The following SMYD3 variants were observed in gnomAD, a reference collection of about 807,000 sequenced individuals.
SMYD3 encodes histone-lysine N-methyltransferase SMYD3.
Under a neutral mutation model 57.7 loss-of-function variants are expected in SMYD3, and 36 were observed. The observed-to-expected ratio is 0.62, with a 90% CI of 0.48 to 0.82. The LOEUF (loss-of-function observed/expected upper bound fraction) is 0.82, where lower values mean the gene tolerates loss of function less well. Ranked by LOEUF, SMYD3 falls within the 40% of genes least tolerant of loss-of-function variation. The probability of loss-of-function intolerance (pLI) is 0.00; values close to 1 mark genes in which losing one functional copy is unlikely to be tolerated. For missense variants in SMYD3, 515 were observed against 538.8 expected (o/e 0.96, Z 0.44); for synonymous variants, 211 against 195.0 (o/e 1.08, Z -0.68).
Position 246,378,785 on chromosome 1 carries a change from T to A in SMYD3, c.165-23691A>T, listed in dbSNP as rs186403551. 3.5e-4 allele frequency among the ~76,000 whole-genome samples: 39 copies of A among 111,632 alleles called. 2 individuals are homozygous for A. The highest frequency in any genetic ancestry group is 1.4e-3 in the African/African-American group (38 of 27,358). The allele number at this position is 111,632 out of a possible 152,430, so 73.2% of individuals were successfully genotyped here. A position where few individuals can be genotyped will look rare whatever the true frequency, so the allele number is the denominator to read the frequency against. On this transcript the variant is annotated intron_variant, in intron 1 of 11. Transcript: ENST00000490107. ...ATATATTATATATAATTTAATATAT[T>A]TAATATATTATTTTTATATATTATA...
Position 246,309,981 on chromosome 1 carries a change from ATCT to A in SMYD3, c.531+17217_531+17219del, listed in dbSNP as rs76400493. Among the ~76,000 whole-genome samples the A allele has an allele frequency of 0.015, 2,260 of 152,254 alleles. 164 individuals carry two copies. The East Asian group carries it at 0.2, about 13-fold the overall frequency. ...CAGAGCAATGAGCTTGCCAAAATAA[ATCT>A]TCTTCCACAAAAAGGTTCATAATAG... is the stretch of plus-strand genomic sequence containing the variant. On this transcript the variant is annotated intron_variant, in intron 5 of 11. Transcript: ENST00000490107.
At chr1:246,145,201 C>G (rs1390729473) in intron 5 of SMYD3, among the ~76,000 whole-genome samples, 1 of 152,102 alleles carries the variant, frequency 6.6e-6, no homozygotes, top group East Asian at 1.9e-4. Flanking sequence ...TTAATCTGAG[C>G]TACAATGTGA....
chr1:246,489,781 T>C (rs1213698529), intron 1 of SMYD3, among the ~76,000 whole-genome samples: 1 of 152,186 alleles, frequency 6.6e-6, no homozygotes, highest in Non-Finnish European at 1.5e-5. Flanking sequence ...AGGTAGAGGC[T>C]GAAAGTACAC....
At chr1:246,068,441 G>A (rs1386929536) in intron 5 of SMYD3, among the ~76,000 whole-genome samples, 1 of 152,136 alleles carries the variant, frequency 6.6e-6, no homozygotes, top group African/African-American at 2.4e-5. Flanking sequence ...AATCAAAAAC[G>A]AATAGTCAGA....
At chr1:245,758,662 C>T (rs1014887154) in intron 11 of SMYD3, among the ~76,000 whole-genome samples, 19 of 151,906 alleles carry the variant, frequency 1.3e-4, no homozygotes, top group African/African-American at 4.6e-4. Context: ...CTATTTGTGT[C>T]TTCTTTACGG....
intron 5 of SMYD3, among the ~76,000 whole-genome samples, chr1:246,122,042 A>C (rs538052918): frequency 1.2e-4 from 18 of 149,856 alleles, no homozygotes; most frequent in Non-Finnish European, 2.4e-4. Flanking sequence ...CCCTTGCAGA[A>C]TGAACAGGAA....
rs141823166 is a variant in SMYD3, at chr1:246,017,043, T to G, written c.532-87106A>C. Among the ~76,000 whole-genome samples, 299 of 152,308 alleles carry G rather than the reference T, an allele frequency of 2.0e-3. 1 individual carries two copies. Among genetic ancestry groups the G allele is most frequent in the Non-Finnish European group, 3.3e-3 (224 of 68,028 alleles). On this transcript the variant is annotated intron_variant, in intron 5 of 11. Coordinates refer to ENST00000490107, the MANE Select transcript of SMYD3 (RefSeq NM_001167740.2). ...CAAGTGTCTTTCCAAAGTTTTTTGT[T>G]CCCTGAGGACAGAATAACAAATGTC...
intron 5 of SMYD3, among the ~76,000 whole-genome samples, chr1:246,184,093 G>A (rs1290388356): frequency 6.6e-6 from 1 of 152,208 alleles, no homozygotes; most frequent in Non-Finnish European, 1.5e-5. Flanking sequence ...AGATCAGGTT[G>A]TATTTTTCCC....
intron 11 of SMYD3, among the ~76,000 whole-genome samples, chr1:245,763,379 G>A (rs989143131): frequency 2.6e-5 from 4 of 152,168 alleles, no homozygotes; most frequent in East Asian, 3.9e-4. Context: ...CTGGCAGGGT[G>A]GGCAGAGAGC....
chr1:246,214,317 A>G (rs1179575379), intron 5 of SMYD3, among the ~76,000 whole-genome samples: 2 of 152,140 alleles, frequency 1.3e-5, no homozygotes, highest in Non-Finnish European at 2.9e-5. Context: ...GAGGAGACAA[A>G]TGTCATAGCA....
rs55974041 is a variant in SMYD3, at chr1:246,255,927, A to AAGATAGATAGATAGAT, written c.531+71258_531+71273dup. 1.1e-3 allele frequency among the ~76,000 whole-genome samples: 132 copies of AAGATAGATAGATAGAT among 121,286 alleles called. 2 individuals are homozygous for AAGATAGATAGATAGAT. The highest frequency in any genetic ancestry group is 1.5e-3 in the South Asian group (5 of 3,262). 79.6% of individuals were successfully genotyped at this position (121,286 alleles called of 152,430 possible). ...GTTCTCTTAGAGGGACATAACTAAT[A>AAGATAGATAGATAGAT]AGATAGATAGATAGATAGATAGATA... On this transcript the variant is annotated intron_variant, in intron 5 of 11. Coordinates refer to ENST00000490107, the MANE Select transcript of SMYD3 (RefSeq NM_001167740.2).
intron 1 of SMYD3, among the ~76,000 whole-genome samples, chr1:246,486,866 T>C (rs1225102367): frequency 2.0e-5 from 3 of 152,088 alleles, no homozygotes; most frequent in Non-Finnish European, 2.9e-5. Context: ...TTCTCCAATA[T>C]ACAACATTTA....
chr1:245,845,041 T>C (rs1368424482), intron 10 of SMYD3, among the ~76,000 whole-genome samples: 1 of 152,266 alleles, frequency 6.6e-6, no homozygotes, highest in African/African-American at 2.4e-5. Context: ...TGATGCCAAA[T>C]GCTTCTGATT....
At chr1:246,254,428 C>T (rs1341252156) in intron 5 of SMYD3, among the ~76,000 whole-genome samples, 1 of 152,158 alleles carries the variant, frequency 6.6e-6, no homozygotes, top group African/African-American at 2.4e-5. Context: ...TCTACTTTAT[C>T]AAAGATCAGA....
chr1:245,774,764 T>C (rs375256531), intron 10 of SMYD3, among the ~76,000 whole-genome samples: 4 of 111,454 alleles, frequency 3.6e-5, no homozygotes, highest in African/African-American at 1.5e-4. Context: ...GAAGCTGGAC[T>C]GTACTGCTGC....
chr1:246,144,141 T>C (rs2061806135), intron 5 of SMYD3, among the ~76,000 whole-genome samples: 1 of 152,182 alleles, frequency 6.6e-6, no homozygotes, highest in Non-Finnish European at 1.5e-5. Flanking sequence ...TGACAAGAGC[T>C]GACGGATACA....
At chr1:246,213,192 A>G (rs543160896) in intron 5 of SMYD3, among the ~76,000 whole-genome samples, 2 of 152,324 alleles carry the variant, frequency 1.3e-5, no homozygotes, top group African/African-American at 4.8e-5. Context: ...AGGATATCAC[A>G]TGCTCTTTTT....
At chr1:245,905,707 C>A (rs1445894557) in intron 8 of SMYD3, among the ~76,000 whole-genome samples, 1 of 152,166 alleles carries the variant, frequency 6.6e-6, no homozygotes, top group African/African-American at 2.4e-5. Flanking sequence ...AGCCCCAGAC[C>A]CTTGAGCAAA....
At chr1:245,899,839 G>T (rs1307348480) in intron 8 of SMYD3, among the ~76,000 whole-genome samples, 9 of 152,158 alleles carry the variant, frequency 5.9e-5, no homozygotes, top group Admixed American at 2.6e-4. Context: ...TCAAGTAAAA[G>T]CAAAAGAGAA....
Sources: allele counts gnomAD v4.1 joint callset (sites outside exome capture counted in the v4.1 genomes callset), GRCh38; gene constraint gnomAD v4.1.1; transcripts MANE v1.5; gene names NCBI Gene and HGNC (gene_info 2026-07-23, HGNC 2026-07-21).